SPTSSB: variants seen among roughly 807,000 people sequenced by gnomAD.
The protein encoded by SPTSSB is serine palmitoyltransferase small subunit B.
Under a neutral mutation model 7.7 loss-of-function variants are expected in SPTSSB, and 6 were observed. The observed-to-expected ratio is 0.78, with a 90% confidence interval of 0.43 to 1.54. The LOEUF is 1.54. SPTSSB is among the 40% of genes most tolerant of loss of function. SPTSSB has a pLI of 0.01. For synonymous variants in SPTSSB, 28 were observed against 29.7 expected (o/e 0.94, Z 0.19); for missense variants, 91 against 93.0 (o/e 0.98, Z 0.09).
chr3:161,366,206 C>A (rs1715212433), intron 1 of SPTSSB, among the ~76,000 whole-genome samples: 1 of 152,148 alleles, frequency 6.6e-6, no homozygotes, highest in African/African-American at 2.4e-5. Context: ...TGGAAGACTA[C>A]AAGAATCCAG....
intron 2 of SPTSSB, among the ~76,000 whole-genome samples, chr3:161,348,826 C>T (rs1260470580): frequency 6.6e-6 from 1 of 152,042 alleles, no homozygotes; most frequent in African/African-American, 2.4e-5. Context: ...TGATGATAAG[C>T]AATTTTAAAG....
intron 2 of SPTSSB, among the ~76,000 whole-genome samples, chr3:161,354,921 GATTA>G (rs968529457): frequency 1.3e-5 from 2 of 152,180 alleles, no homozygotes; most frequent in African/African-American, 4.8e-5. Flanking sequence ...ATTCAGATTA[GATTA>G]ATCTCAGTAT....
chr3:161,363,597 T>C (rs1715099895), intron 1 of SPTSSB, among the ~76,000 whole-genome samples: 3 of 152,062 alleles, frequency 2.0e-5, no homozygotes, highest in African/African-American at 4.8e-5. Context: ...ATGAAAAATA[T>C]AGACAACCAT....
intron 2 of SPTSSB, among the ~76,000 whole-genome samples, chr3:161,354,128 A>G (rs1301081100): frequency 6.6e-6 from 1 of 152,232 alleles, no homozygotes; most frequent in Non-Finnish European, 1.5e-5. Context: ...TCTAGAGATA[A>G]GAAACAAACA....
chr3:161,349,894 C>T (rs1444111806), intron 2 of SPTSSB, among the ~76,000 whole-genome samples: 1 of 151,980 alleles, frequency 6.6e-6, no homozygotes, highest in African/African-American at 2.4e-5. Context: ...TGGTGATTTC[C>T]CTCTCATTAG....
intron 1 of SPTSSB, among the ~76,000 whole-genome samples, chr3:161,365,152 C>A (rs181025983): frequency 6.6e-6 from 1 of 152,314 alleles, no homozygotes; most frequent in Admixed American, 6.5e-5. Context: ...GTTTGATAAG[C>A]ACTTTATATG....
At chr3:161,357,844 C>G (rs183606086) in intron 2 of SPTSSB, among the ~76,000 whole-genome samples, 259 of 152,236 alleles carry the variant, frequency 1.7e-3, no homozygotes, top group African/African-American at 5.8e-3. Context: ...CCCTAGAGCC[C>G]TTGGAGGAAG....
chr3:161,348,788 C>G (rs187505192), intron 2 of SPTSSB, among the ~76,000 whole-genome samples: 400 of 152,246 alleles, frequency 2.6e-3, no homozygotes, highest in African/African-American at 8.4e-3. Context: ...CTGATTGTCT[C>G]TTTTTCTCTG....
Position 161,346,218 on chromosome 3 carries a change from T to C in SPTSSB, c.106A>G (p.Thr36Ala), listed in dbSNP as rs1162560272. 6.2e-7 allele frequency: 1 copy of C among 1,613,204 alleles called. No individual in the cohort carries two copies. The highest frequency in any genetic ancestry group is 8.5e-7 in the Non-Finnish European group (1 of 1,179,198). Residue 36 changes from threonine (T) to alanine (A), a missense_variant, in exon 3 of 3, where the codon ACC (threonine) becomes GCC (alanine). Physicochemically the swap from Thr to Ala is moderately conservative, Grantham distance 58. Coordinates refer to ENST00000620149, the MANE Select transcript of SPTSSB (RefSeq NM_001040100.2). ...ATAGCAATAATGGTTAGTAAGATGG[T>C]GTTAAACATAGATCGCTCCCAGGGC... ...LEPWERSMFN[T>A]ILLTIIAMVV...
intron 2 of SPTSSB, among the ~76,000 whole-genome samples, chr3:161,358,461 A>G (rs896355563): frequency 3.3e-5 from 5 of 152,170 alleles, no homozygotes; most frequent in Non-Finnish European, 7.3e-5. Context: ...GAGAACAGGA[A>G]TAAGATAACT....
chr3:161,350,663 A>G (rs1714491052), intron 2 of SPTSSB, among the ~76,000 whole-genome samples: 1 of 152,170 alleles, frequency 6.6e-6, no homozygotes, highest in Non-Finnish European at 1.5e-5. Context: ...ACAGCTTAAT[A>G]TGACTTACTC....
chr3:161,353,201 T>G (rs2108158472), intron 2 of SPTSSB, among the ~76,000 whole-genome samples: 1 of 152,268 alleles, frequency 6.6e-6, no homozygotes, highest in African/African-American at 2.4e-5. Context: ...TTGGAATGGG[T>G]TTTAGCTCTT....
chr3:161,350,626 C>T (rs1714488361), intron 2 of SPTSSB, among the ~76,000 whole-genome samples: 1 of 152,116 alleles, frequency 6.6e-6, no homozygotes, highest in South Asian at 2.1e-4. Context: ...GAGACTCTTT[C>T]TGTACTCACA....
rs1714131615 is a variant in SPTSSB at position 161,344,806 on chromosome 3, C to G, written c.*1287G>C. 6.6e-6 allele frequency: 1 copy of G among 152,210 alleles called. No homozygotes were observed. The highest frequency in any genetic ancestry group is 2.4e-5 in the African/African-American group (1 of 41,420). 9.4% of individuals were successfully genotyped at this position (152,210 alleles called of 1,614,324 possible). A position where few individuals can be genotyped will look rare whatever the true frequency, so the allele number is the denominator to read the frequency against. The stretch of plus-strand genomic sequence containing the variant: ...AAATCTGGAAGTAGATATTTACTTA[C>G]AAAATTAATTTTATTTTGCAAAACT... On this transcript the variant is annotated 3_prime_UTR_variant, in exon 3 of 3. Transcript: ENST00000620149.
At chr3:161,346,438 T>G in intron 2 of SPTSSB, 83 bp from the exon 3 acceptor site, 1 of 653,774 alleles carries the variant, frequency 1.5e-6, no homozygotes, top group Non-Finnish European at 2.7e-6. Flanking sequence ...CATGTTAAAA[T>G]CTTTCAAAGA....
rs1048198863 is a variant in SPTSSB, at chr3:161,371,486, C to G, written c.-177G>C. 1.1e-5 allele frequency: 11 copies of G among 985,434 alleles called. 1 individual carries two copies. In the African/African-American group the frequency reaches 1.9e-4, roughly 17 times the overall value. 61.0% of individuals were successfully genotyped at this position (985,434 alleles called of 1,614,324 possible). ...GCTTAGGTGAGCGCCGAGGCTTTGGCTCCTCCCCAGCTGCTGCGAGCTTCC... is the reference window on the plus strand; with the variant it reads ...GCTTAGGTGAGCGCCGAGGCTTTGGGTCCTCCCCAGCTGCTGCGAGCTTCC... On this transcript the variant is annotated 5_prime_UTR_variant, in exon 1 of 3. Transcript: ENST00000620149.
At chr3:161,357,782 C>CA (rs34084737) in intron 2 of SPTSSB, among the ~76,000 whole-genome samples, 13,476 of 150,042 alleles carry the variant, frequency 0.09, 809 homozygotes, top group East Asian at 0.24. Context: ...AGCCACAAGC[C>CA]AAAAAAAAAT....
intron 2 of SPTSSB, among the ~76,000 whole-genome samples, chr3:161,355,146 G>T (rs1323894750): frequency 2.6e-5 from 4 of 152,146 alleles, no homozygotes; most frequent in African/African-American, 9.7e-5. Flanking sequence ...GGGCTTCTAG[G>T]TCAAGGTTTA....
At chr3:161,365,322 T>C (rs1715173980) in intron 1 of SPTSSB, among the ~76,000 whole-genome samples, 1 of 152,236 alleles carries the variant, frequency 6.6e-6, no homozygotes, top group Admixed American at 6.5e-5. Context: ...ACATGGTCAC[T>C]GTCCTTAGGC....
Sources: gnomAD v4.1 joint callset for allele counts (sites outside exome capture counted in the v4.1 genomes callset) on GRCh38, gnomAD v4.1.1 for gene constraint, MANE v1.5 for transcripts, NCBI Gene and HGNC (gene_info 2026-07-23, HGNC 2026-07-21) for gene names.